LIN28B: variants seen among roughly 807,000 people sequenced by gnomAD.
The protein encoded by LIN28B is lin-28 RNA binding posttranscriptional regulator B, also known as protein lin-28 homolog B.
A neutral mutation model predicts 21.9 loss-of-function variants in LIN28B; 5 were observed. That is an observed-to-expected ratio of 0.23 (90% CI 0.12 to 0.48). LIN28B has a LOEUF of 0.48. LIN28B is among the 20% of genes least tolerant of loss of function. The pLI, the probability that LIN28B is intolerant of heterozygous loss-of-function variation, is 0.98. For synonymous variants in LIN28B, 109 were observed against 111.3 expected, an observed-to-expected ratio of 0.98 and a Z score of 0.13; for missense variants, 245 against 310.5, an observed-to-expected ratio of 0.79 and a Z score of 1.58.
At chr6:104,997,533 T>G (rs921122814) in intron 2 of LIN28B, among the ~76,000 whole-genome samples, 2 of 151,658 alleles carry the variant, frequency 1.3e-5, no homozygotes, top group Admixed American at 1.3e-4. Context: ...AACAAAAATA[T>G]GTAACACCCG....
intron 2 of LIN28B, among the ~76,000 whole-genome samples, chr6:105,012,670 T>C (rs1770948747): frequency 1.3e-5 from 2 of 152,176 alleles, no homozygotes; most frequent in Non-Finnish European, 1.5e-5. Context: ...TTCCTTTTCA[T>C]TGCTCAGTAG....
At chr6:104,988,702 C>T (rs752430419) in intron 2 of LIN28B, among the ~76,000 whole-genome samples, 23 of 151,594 alleles carry the variant, frequency 1.5e-4, no homozygotes, top group Non-Finnish European at 2.9e-4. Flanking sequence ...CTCCGCTTTG[C>T]GAGTAGTTGA....
At chr6:104,944,430 A>G (rs1007037179) in intron 2 of LIN28B, among the ~76,000 whole-genome samples, 1 of 152,304 alleles carries the variant, frequency 6.6e-6, no homozygotes, top group Non-Finnish European at 1.5e-5. Flanking sequence ...ATTTAGGTTC[A>G]TATTCTGGCA....
intron 2 of LIN28B, among the ~76,000 whole-genome samples, chr6:104,961,903 T>C (rs1027011865): frequency 6.6e-6 from 1 of 152,188 alleles, no homozygotes; most frequent in Non-Finnish European, 1.5e-5. Context: ...TATTTGATGG[T>C]ACTTTAGAGG....
intron 2 of LIN28B, among the ~76,000 whole-genome samples, chr6:104,976,766 A>G (rs1033910795): frequency 2.0e-5 from 3 of 152,182 alleles, no homozygotes; most frequent in Admixed American, 1.3e-4. Context: ...GGAAAGGCCA[A>G]TGTCTGGTTA....
chr6:105,040,481 AT>A (rs1230088568), intron 3 of LIN28B, among the ~76,000 whole-genome samples: 1 of 151,994 alleles, frequency 6.6e-6, no homozygotes, highest in African/African-American at 2.4e-5. Context: ...TTGTGTTTAT[AT>A]TTATTTACTA....
At chr6:105,063,637 G>C (rs1441856937) in intron 3 of LIN28B, among the ~76,000 whole-genome samples, 10 of 83,086 alleles carry the variant, frequency 1.2e-4, no homozygotes, top group African/African-American at 4.8e-4. Flanking sequence ...CTCCATCTCG[G>C]GGGGGGGGGG....
chr6:104,937,557 G>A (rs768086692), intron 2 of LIN28B, among the ~76,000 whole-genome samples: 1 of 152,132 alleles, frequency 6.6e-6, no homozygotes, highest in African/African-American at 2.4e-5. Flanking sequence ...GAACCACCGC[G>A]CCTGGCCAAC....
Position 105,078,711 on chromosome 6 carries a change from C to T in LIN28B, c.681C>T (p.Ser227=). The change falls in exon 4 of 4, where the codon TCC becomes TCT. Residue 227 remains serine (S), a synonymous_variant. Coordinates refer to ENST00000345080, the MANE Select transcript of LIN28B (RefSeq NM_001004317.4). ...RSGRSPQEAS[S]TKSSIAPEEQ... is the part of the protein sequence containing the mutation. ...GCAGGTCACCTCAAGAAGCTTCCTC[C>T]ACGAAGTCATCTATAGCACCAGAAG... 6.2e-7 allele frequency: 1 copy of T among 1,614,066 alleles called. No individual in the cohort carries two copies. The highest frequency in any genetic ancestry group is 8.5e-7 in the Non-Finnish European group (1 of 1,180,008).
intron 2 of LIN28B, among the ~76,000 whole-genome samples, chr6:105,006,356 G>T (rs1392520136): frequency 6.6e-6 from 1 of 152,158 alleles, no homozygotes; most frequent in Non-Finnish European, 1.5e-5. Flanking sequence ...TTGTTGCCCA[G>T]GCTGGAGTAT....
chr6:104,968,468 C>T (rs1312928170), intron 2 of LIN28B, among the ~76,000 whole-genome samples: 1 of 152,114 alleles, frequency 6.6e-6, no homozygotes, highest in Non-Finnish European at 1.5e-5. Context: ...TTAATTTCTA[C>T]CAGCTGCTTT....
chr6:104,993,976 T>G (rs897887582), intron 2 of LIN28B, among the ~76,000 whole-genome samples: 8 of 152,138 alleles, frequency 5.3e-5, no homozygotes, highest in African/African-American at 1.9e-4. Flanking sequence ...TCTAAAGGTA[T>G]CATTAAACTA....
At chr6:104,953,174 CCCAGCCTTGCGT>C (rs1311152066), upstream of LIN28B, among the ~76,000 whole-genome samples, 1 of 152,094 alleles carries the variant, frequency 6.6e-6, no homozygotes, top group Non-Finnish European at 1.5e-5. Flanking sequence ...GAAAATCGCC[CCCAGCCTTGCGT>C]CCAGCCCTTT....
intron 3 of LIN28B, among the ~76,000 whole-genome samples, chr6:105,028,650 C>T (rs1198723960): frequency 3.3e-5 from 5 of 152,214 alleles, no homozygotes; most frequent in Non-Finnish European, 5.9e-5. Context: ...ATGGGGAAAC[C>T]TACAGAAGGA....
chr6:105,019,910 C>T (rs1182995117), intron 2 of LIN28B, among the ~76,000 whole-genome samples: 4 of 151,882 alleles, frequency 2.6e-5, no homozygotes, highest in Admixed American at 2.0e-4. Context: ...GTTTATGCCT[C>T]CTAGAGAAAA....
intron 2 of LIN28B, among the ~76,000 whole-genome samples, chr6:104,987,689 T>C (rs172703): frequency 6.6e-6 from 1 of 152,186 alleles, no homozygotes; most frequent in African/African-American, 2.4e-5. Context: ...GATCTGTGTA[T>C]ACAGTCATGT....
At chr6:105,012,688 C>T (rs1399226938) in intron 2 of LIN28B, among the ~76,000 whole-genome samples, 1 of 152,114 alleles carries the variant, frequency 6.6e-6, no homozygotes, top group Non-Finnish European at 1.5e-5. Context: ...TAGTATTGTA[C>T]ATAGCAAAAG....
intron 2 of LIN28B, among the ~76,000 whole-genome samples, chr6:104,993,652 A>G (rs190345200): frequency 6.6e-6 from 1 of 152,134 alleles, no homozygotes; most frequent in African/African-American, 2.4e-5. Flanking sequence ...CCTGGCCAAG[A>G]TGGTGAAACC....
intron 3 of LIN28B, among the ~76,000 whole-genome samples, chr6:105,058,843 C>CAAA (rs1352211908): frequency 6.6e-6 from 1 of 152,042 alleles, no homozygotes; most frequent in Non-Finnish European, 1.5e-5. Context: ...GGTATTTGTG[C>CAAA]CATTTTTCTT....
Sources: gnomAD v4.1 joint callset for allele counts (sites outside exome capture counted in the v4.1 genomes callset) on GRCh38, gnomAD v4.1.1 for gene constraint, MANE v1.5 for transcripts, NCBI Gene and HGNC (gene_info 2026-07-23, HGNC 2026-07-21) for gene names.